Variants in CRYBG1 observed in about 807,000 individuals in gnomAD.
CRYBG1 encodes beta/gamma crystallin domain-containing protein 1.
A neutral mutation model predicts 189.2 loss-of-function variants in CRYBG1; 139 were observed. That is an observed-to-expected ratio of 0.73 (90% confidence interval 0.64 to 0.85). The LOEUF (loss-of-function observed/expected upper bound fraction) is 0.85, where lower values mean the gene tolerates loss of function less well. Ranked by LOEUF, CRYBG1 falls within the 40% of genes least tolerant of loss-of-function variation. The pLI, the probability that CRYBG1 is intolerant of heterozygous loss-of-function variation, is 0.00. For synonymous variants in CRYBG1, 1,023 were observed against 1,017.1 expected (o/e 1.01, Z -0.11); for missense variants, 2,611 against 2,675.8 (o/e 0.98, Z 0.53).
chr6:106,374,061 A>G (rs1235704279), intron 1 of CRYBG1, among the ~76,000 whole-genome samples: 1 of 152,194 alleles, frequency 6.6e-6, no homozygotes, highest in East Asian at 1.9e-4. Flanking sequence ...CTGCACTAGT[A>G]TAATTCATTT....
chr6:106,482,513 C>T (rs2353059), intron 2 of CRYBG1, among the ~76,000 whole-genome samples: 140,800 of 152,176 alleles, frequency 0.93, 65,318 homozygotes, highest in East Asian at 1. Flanking sequence ...TGGTGGCTCA[C>T]GCCTATAATC....
chr6:106,561,251 T>C (rs1431589137), intron 19 of CRYBG1, 91 bp from the exon 20 acceptor site: 7 of 1,363,418 alleles, frequency 5.1e-6, no homozygotes, highest in Admixed American at 2.0e-5. Flanking sequence ...TTAATCCATA[T>C]CTCACTTTGG....
chr6:106,489,384 TA>T (rs1202740495), intron 2 of CRYBG1, among the ~76,000 whole-genome samples: 4 of 152,158 alleles, frequency 2.6e-5, no homozygotes, highest in Non-Finnish European at 5.9e-5. Context: ...AAGGTCTTGA[TA>T]AAATGTTGAT....
Position 106,536,044 on chromosome 6 carries a change from AAAGTGCTGGGATTACAGGCGTG to A in CRYBG1, c.4719-3357_4719-3336del. On this transcript the variant is annotated intron_variant, in intron 8 of 21. Transcript: ENST00000633556. Reference sequence around the variant, plus strand: ...CATGATCCACCCGCCTCGGCCTCCCAAAGTGCTGGGATTACAGGCGTGAGCCACTAACTTTTAAAAAGATTTA... The same window carrying A: ...CATGATCCACCCGCCTCGGCCTCCCAAGCCACTAACTTTTAAAAAGATTTA... Among the ~76,000 whole-genome samples the A allele has an allele frequency of 6.7e-5, 10 of 149,152 alleles. 5 individuals carry two copies. The highest frequency in any genetic ancestry group is 4.0e-4 in the East Asian group (2 of 5,058).
intron 18 of CRYBG1, among the ~76,000 whole-genome samples, chr6:106,560,443 G>A (rs1158760764): frequency 1.3e-5 from 2 of 152,164 alleles, no homozygotes; most frequent in Non-Finnish European, 2.9e-5. Flanking sequence ...CCTACTAAGA[G>A]CTTTGGAAAT....
At chr6:106,565,730 C>T (rs1000125109) in intron 21 of CRYBG1, among the ~76,000 whole-genome samples, 1 of 152,196 alleles carries the variant, frequency 6.6e-6, no homozygotes, top group Non-Finnish European at 1.5e-5. Flanking sequence ...GTACAGCTCC[C>T]TCACCTTACA....
intron 2 of CRYBG1, among the ~76,000 whole-genome samples, chr6:106,466,678 G>A (rs150629239): frequency 2.6e-4 from 39 of 152,272 alleles, no homozygotes; most frequent in Admixed American, 4.6e-4. Flanking sequence ...ATACTGTGTT[G>A]TTCTTTCTGT....
intron 2 of CRYBG1, among the ~76,000 whole-genome samples, chr6:106,467,032 G>A (rs928927717): frequency 3.3e-5 from 5 of 152,200 alleles, no homozygotes; most frequent in Admixed American, 3.3e-4. Flanking sequence ...AACAGTATGG[G>A]CTTGTATTAA....
chr6:106,537,058 G>A (rs1462661589), intron 8 of CRYBG1, among the ~76,000 whole-genome samples: 1 of 152,190 alleles, frequency 6.6e-6, no homozygotes, highest in Non-Finnish European at 1.5e-5. Flanking sequence ...CTTTTCAAAT[G>A]CATTCATTCA....
At chr6:106,440,243 C>CCTCTCTCTCTCTCT (rs34075891) in intron 1 of CRYBG1, among the ~76,000 whole-genome samples, 5 of 147,498 alleles carry the variant, frequency 3.4e-5, no homozygotes, top group Non-Finnish European at 7.4e-5. Context: ...TTCCTTTCTT[C>CCTCTCTCTCTCTCT]CTCTCTCTCT....
chr6:106,568,536 A>G lies in CRYBG1; in HGVS notation c.6366A>G (p.Gln2122=). 1 of 1,613,756 alleles carries G rather than the reference A, an allele frequency of 6.2e-7. No homozygotes were observed. ...LNTVSKEKFT[Q]VWEAMVLYT ...CTGTCAGCAAAGAGAAGTTTACACA[A>G]GTGTGGGAAGCCATGGTCCTATATA... The change falls in exon 22 of 22, where the codon CAA becomes CAG. Residue 2122 remains glutamine, a synonymous_variant. Transcript: ENST00000633556.
intron 1 of CRYBG1, among the ~76,000 whole-genome samples, chr6:106,443,732 G>A (rs1482556132): frequency 1.3e-5 from 2 of 151,748 alleles, no homozygotes; most frequent in Non-Finnish European, 2.9e-5. Flanking sequence ...TTTAGTTTTT[G>A]TGGGTACATA....
At chr6:106,548,267 C>T (rs1012676540) in intron 13 of CRYBG1, among the ~76,000 whole-genome samples, 18 of 152,294 alleles carry the variant, frequency 1.2e-4, no homozygotes, top group African/African-American at 4.1e-4. Flanking sequence ...AATCTCAGAT[C>T]TGGGTTTTGC....
chr6:106,403,036 A>T (rs1343746247), intron 1 of CRYBG1, among the ~76,000 whole-genome samples: 1 of 152,172 alleles, frequency 6.6e-6, no homozygotes, highest in Non-Finnish European at 1.5e-5. Context: ...TTTGTTGAGG[A>T]GGAATTTAAA....
At chr6:106,459,369 T>C (rs1259250538) in intron 2 of CRYBG1, among the ~76,000 whole-genome samples, 1 of 152,190 alleles carries the variant, frequency 6.6e-6, no homozygotes, top group African/African-American at 2.4e-5. Context: ...ATATTTGTTA[T>C]TTCTCTTCTA....
intron 20 of CRYBG1, among the ~76,000 whole-genome samples, chr6:106,562,409 T>C (rs1276282475): frequency 6.6e-6 from 1 of 152,244 alleles, no homozygotes; most frequent in Non-Finnish European, 1.5e-5. Context: ...AGTGATGTTA[T>C]TTAACAACTT....
intron 2 of CRYBG1, among the ~76,000 whole-genome samples, chr6:106,452,122 C>A (rs9486349): frequency 2.0e-3 from 294 of 147,652 alleles, no homozygotes; most frequent in African/African-American, 6.9e-3. Context: ...AAAGAATGAG[C>A]TTGGCCGGGC....
chr6:106,413,833 T>A (rs747636711), intron 1 of CRYBG1, among the ~76,000 whole-genome samples: 2 of 152,228 alleles, frequency 1.3e-5, no homozygotes, highest in Non-Finnish European at 2.9e-5. Context: ...ATTGCCCTGC[T>A]GGGTAAAAGA....
intron 2 of CRYBG1, among the ~76,000 whole-genome samples, chr6:106,489,787 CAAAAAAAAAAAA>C (rs10593320): frequency 1.2e-5 from 1 of 81,678 alleles, no homozygotes; most frequent in South Asian, 3.8e-4. Context: ...ACTCTGTGTC[CAAAAAAAAAAAA>C]AAAAAAAAGA....
Sources: allele counts gnomAD v4.1 joint callset (sites outside exome capture counted in the v4.1 genomes callset), GRCh38; gene constraint gnomAD v4.1.1; transcripts MANE v1.5; gene names NCBI Gene and HGNC (gene_info 2026-07-23, HGNC 2026-07-21).